The following COBL variants were observed in gnomAD, a reference collection of about 807,000 sequenced individuals.
The protein encoded by COBL is cordon-bleu WH2 repeat protein, also known as protein cordon-bleu.
In COBL, 51 loss-of-function variants were observed where a neutral mutation model predicts 98.8. The ratio of observed to expected loss-of-function variants is 0.52; its 90% CI spans 0.41 to 0.65. The LOEUF (loss-of-function observed/expected upper bound fraction) is 0.65. COBL is among the 30% of genes least tolerant of loss of function. The pLI is 0.00. For missense variants in COBL, 1,617 were observed against 1,617.5 expected, an observed-to-expected ratio of 1.00 and a Z score of 0.01; for synonymous variants, 634 against 651.7, an observed-to-expected ratio of 0.97 and a Z score of 0.41.
chr7:51,219,143 A>G (rs114334021), intron 2 of COBL, among the ~76,000 whole-genome samples: 1 of 152,240 alleles, frequency 6.6e-6, no homozygotes, highest in East Asian at 1.9e-4. Flanking sequence ...AGTGAAGTGC[A>G]GTGAGACACT....
rs1411660052 is a variant in COBL at position 51,043,492 on chromosome 7, C to T, written c.1297G>A (p.Ala433Thr). The T allele has an allele frequency of 6.2e-7, 1 of 1,614,120 alleles. No homozygotes were observed. The highest frequency in any genetic ancestry group is 8.5e-7 in the Non-Finnish European group (1 of 1,180,052). ...TCACTGCAGTCTTCCTGGTCTGTGG[C>T]CCACTTGTCTTTGTATTTCATGCTG... is the stretch of plus-strand genomic sequence containing the variant. ...QDSMKYKDKW[A>T]TDQEDCSDQD... Residue 433 changes from alanine (A) to threonine (T), a missense_variant, in exon 8 of 13, where the codon GCC becomes ACC. Ala to Thr is a moderately conservative substitution (Grantham distance 58). This residue lies in a region of COBL where 1,304 missense variants were observed against 1,282.0 expected (regional missense o/e 1.02). Transcript: ENST00000265136.
At chr7:51,123,900 T>C (rs1797964132) in intron 6 of COBL, among the ~76,000 whole-genome samples, 1 of 152,088 alleles carries the variant, frequency 6.6e-6, no homozygotes, top group South Asian at 2.1e-4. Flanking sequence ...TGCCAAGTGT[T>C]ACACAACTCT....
chr7:51,193,463 A>G lies in COBL; in HGVS notation c.372T>C (p.Ile124=). 1 of 1,614,192 alleles carries G rather than the reference A, an allele frequency of 6.2e-7. No homozygotes were observed. The highest frequency in any genetic ancestry group is 8.5e-7 in the Non-Finnish European group (1 of 1,180,032). ...QPLSFKPNTL[I]GTLNVHTVFL... The stretch of plus-strand genomic sequence containing the variant: ...ACACAGTATGCACATTCAGGGTCCC[A>G]ATCAAAGTATTTGGCTTAAAACTCA... The change falls in exon 3 of 13, where the codon ATT becomes ATC. Residue 124 remains isoleucine (I), a synonymous_variant. Coordinates refer to ENST00000265136, the MANE Select transcript of COBL (RefSeq NM_015198.5).
chr7:51,214,817 G>A lies in COBL; in HGVS notation c.245+4924C>T, dbSNP rs750378257. Among the ~76,000 whole-genome samples the A allele has an allele frequency of 4.6e-5, 7 of 152,140 alleles. No individual in the cohort carries two copies. The South Asian group carries it at 1.5e-3, about 32-fold the overall frequency. On this transcript the variant is annotated intron_variant, in intron 2 of 12. Coordinates refer to ENST00000265136, the MANE Select transcript of COBL (RefSeq NM_015198.5). Reference sequence around the variant, plus strand: ...CGATGCAACAGCTTCCTCATTGCTTGCCTAGCACTGTTCCCAGTGGCACAC... The same window carrying A: ...CGATGCAACAGCTTCCTCATTGCTTACCTAGCACTGTTCCCAGTGGCACAC...
rs185114856 is a variant in COBL, at chr7:51,124,472, G to A, written c.957+11686C>T. 5.6e-4 allele frequency among the ~76,000 whole-genome samples: 85 copies of A among 152,278 alleles called. No individual in the cohort carries two copies. The East Asian group carries it at 0.012, about 22-fold the overall frequency. ...AATTTGGAAGTGACACCCTCACCCA[G>A]TGTATCTCTGGCTCCCAACTGGAAT... On this transcript the variant is annotated intron_variant, in intron 6 of 12. Transcript: ENST00000265136.
chr7:51,165,287 C>T (rs1240519312), intron 5 of COBL, among the ~76,000 whole-genome samples: 1 of 151,706 alleles, frequency 6.6e-6, no homozygotes, highest in Non-Finnish European at 1.5e-5. Flanking sequence ...ATATTCCATG[C>T]CAATGGAAAC....
At chr7:51,183,814 G>A (rs1304095699) in intron 5 of COBL, among the ~76,000 whole-genome samples, 3 of 152,286 alleles carry the variant, frequency 2.0e-5, no homozygotes, top group East Asian at 1.9e-4. Context: ...TGGAAGTACC[G>A]GAACACCCAC....
At chr7:51,288,582 G>A (rs1800592483) in intron 1 of COBL, among the ~76,000 whole-genome samples, 1 of 151,892 alleles carries the variant, frequency 6.6e-6, no homozygotes, top group Non-Finnish European at 1.5e-5. Flanking sequence ...GTGAAACCCT[G>A]TCTCTACTAA....
Position 51,103,901 on chromosome 7 carries a change from C to T in COBL, c.958-18597G>A, listed in dbSNP as rs981277059. On this transcript the variant is annotated intron_variant, in intron 6 of 12. Coordinates refer to ENST00000265136, the MANE Select transcript of COBL (RefSeq NM_015198.5). ...GGGTGCCCTTCCCGACAGGCCTGCC[C>T]GCACCTGGCCTCGGCCCCAGCCTCA... Among the ~76,000 whole-genome samples, 5 of 152,358 alleles carry T rather than the reference C, an allele frequency of 3.3e-5. No individual in the cohort carries two copies. In the East Asian group the frequency reaches 9.6e-4, roughly 29 times the overall value.
rs926942435 is a variant in COBL at position 51,029,177 on chromosome 7, G to A, written c.1919C>T (p.Thr640Ile). The change falls in exon 10 of 13, where the codon ACA becomes ATA. Residue 640 changes from threonine (T) to isoleucine (I), a missense_variant. Thr to Ile is a moderately conservative substitution (Grantham distance 89, BLOSUM62 -1). Around this residue, in one of 3 missense-constraint regions of COBL, gnomAD observed 1,304 missense variants for 1,282.0 expected, o/e 1.02. Transcript: ENST00000265136. ...TTTCACTTTTGCATTTAGGTTGTCTGTGTGAAGATTCGAAGCAAAAGAAGT... is the reference window on the plus strand; with the variant it reads ...TTTCACTTTTGCATTTAGGTTGTCTATGTGAAGATTCGAAGCAAAAGAAGT... ...RVTSFASNLH[T>I]DNLNAKVKDK... 6.2e-7 allele frequency: 1 copy of A among 1,614,066 alleles called. No homozygotes were observed. The highest frequency in any genetic ancestry group is 1.3e-5 in the African/African-American group (1 of 74,914).
At chr7:51,202,685 T>G (rs1791245867) in intron 2 of COBL, among the ~76,000 whole-genome samples, 1 of 152,122 alleles carries the variant, frequency 6.6e-6, no homozygotes, top group Admixed American at 6.5e-5. Flanking sequence ...TTGTCAAAAC[T>G]TATGGGATGG....
chr7:51,055,252 T>C (rs76312590), intron 7 of COBL, among the ~76,000 whole-genome samples: 2,079 of 152,250 alleles, frequency 0.014, 32 homozygotes, highest in African/African-American at 0.047. Context: ...AAGCCCACGC[T>C]ACTGCCACTC....
chr7:51,223,164 A>C (rs1793824568), intron 1 of COBL, among the ~76,000 whole-genome samples: 3 of 152,268 alleles, frequency 2.0e-5, no homozygotes, highest in Admixed American at 2.0e-4. Context: ...GGCAGGGCCC[A>C]CTGGCTGTGG....
chr7:51,061,987 A>T (rs1791427091), intron 7 of COBL, among the ~76,000 whole-genome samples: 1 of 151,274 alleles, frequency 6.6e-6, no homozygotes. Context: ...ACACACTCAT[A>T]AATATATCCT....
intron 7 of COBL, among the ~76,000 whole-genome samples, chr7:51,055,213 C>T (rs1238798731): frequency 6.6e-6 from 1 of 152,200 alleles, no homozygotes; most frequent in Non-Finnish European, 1.5e-5. Flanking sequence ...TCTCCAGGGG[C>T]CCCAGCGCGC....
At chr7:51,062,456 G>A (rs992559896) in intron 7 of COBL, among the ~76,000 whole-genome samples, 2 of 152,106 alleles carry the variant, frequency 1.3e-5, no homozygotes, top group African/African-American at 4.8e-5. Flanking sequence ...GTGTCCCGGC[G>A]CTCGGCTGGC....
In COBL at chr7:51,029,080, A is replaced by G. The variant is rs773729500; in HGVS notation, c.2016T>C (p.Asn672=). The G allele has an allele frequency of 6.2e-7, 1 of 1,613,926 alleles. No homozygotes were observed. ...CGTTTTTATCGTTGCTGTCCTTTTC[A>G]TTCACCGGTTGGGAATTCACTCTCT... ...ATERVNSQPV[N]EKDSNDKNAA... Residue 672 remains asparagine, a synonymous_variant, in exon 10 of 13, where the codon AAT becomes AAC. Transcript: ENST00000265136.
chr7:51,120,986 C>A (rs751103217), intron 6 of COBL, among the ~76,000 whole-genome samples: 30 of 152,138 alleles, frequency 2.0e-4, no homozygotes, highest in Non-Finnish European at 3.8e-4. Context: ...CATGGGTGTA[C>A]AGGTATCTGT....
At chr7:51,166,208 C>A (rs1787307478) in intron 5 of COBL, among the ~76,000 whole-genome samples, 2 of 151,572 alleles carry the variant, frequency 1.3e-5, no homozygotes, top group Non-Finnish European at 2.9e-5. Flanking sequence ...AATTGACAAA[C>A]CTTCAGCCAG....
Sources: allele counts gnomAD v4.1 joint callset (sites outside exome capture counted in the v4.1 genomes callset), GRCh38; gene constraint gnomAD v4.1.1; regional missense constraint gnomAD v4.1.1; transcripts MANE v1.5; gene names NCBI Gene and HGNC (gene_info 2026-07-23, HGNC 2026-07-21).